The following OR2T12 variants were observed in gnomAD, a reference collection of about 807,000 sequenced individuals.
The protein encoded by OR2T12 is olfactory receptor family 2 subfamily T member 12.
For missense variants in OR2T12, 335 were observed against 404.3 expected, an observed-to-expected ratio of 0.83 and a Z score of 1.47; for synonymous variants, 127 against 160.5, an observed-to-expected ratio of 0.79 and a Z score of 1.58.
intron 2 of OR2T12, among the ~76,000 whole-genome samples, chr1:248,296,668 T>C (rs1659733253): frequency 1.3e-5 from 2 of 152,220 alleles, no homozygotes; most frequent in South Asian, 4.1e-4. Flanking sequence ...GAGAAGTGTC[T>C]GTTCATGTCC....
At chr1:248,298,169 A>G (rs959226020) in intron 2 of OR2T12, among the ~76,000 whole-genome samples, 3 of 152,100 alleles carry the variant, frequency 2.0e-5, no homozygotes, top group Non-Finnish European at 4.4e-5. Flanking sequence ...ATTTGCTTAT[A>G]TTGAACCAGC....
At chr1:248,303,000 T>C (rs1244222109) in intron 1 of OR2T12, among the ~76,000 whole-genome samples, 2 of 152,142 alleles carry the variant, frequency 1.3e-5, no homozygotes, top group Non-Finnish European at 2.9e-5. Flanking sequence ...GAAAAGAGAA[T>C]GTGGCCAAAA....
chr1:248,295,859 T>G (rs187874500), intron 2 of OR2T12, among the ~76,000 whole-genome samples: 106 of 152,260 alleles, frequency 7.0e-4, no homozygotes, highest in African/African-American at 2.5e-3. Context: ...AGTTTTGTTA[T>G]TTTTTTAATT....
chr1:248,292,328 G>A lies in OR2T12; in HGVS notation c.*2288C>T, dbSNP rs1432874641. The A allele has an allele frequency of 6.6e-6, 1 of 152,050 alleles. No homozygotes were observed. The highest frequency in any genetic ancestry group is 1.5e-5 in the Non-Finnish European group (1 of 67,960). The allele number at this position is 152,050 out of a possible 1,614,324, so 9.4% of individuals were successfully genotyped here. A position where few individuals can be genotyped will look rare whatever the true frequency, so the allele number is the denominator to read the frequency against. On this transcript the variant is annotated 3_prime_UTR_variant, in exon 3 of 3. Coordinates refer to ENST00000641276, the MANE Select transcript of OR2T12 (RefSeq NM_001004692.2). ...GAAGTAACTCCTCATTCAAAATTTT[G>A]TTTCTACCATTCATGCTCTTGTATA...
chr1:248,298,187 C>A (rs1422191317), intron 2 of OR2T12, among the ~76,000 whole-genome samples: 3 of 152,128 alleles, frequency 2.0e-5, no homozygotes, highest in African/African-American at 4.8e-5. Context: ...AGCCTTGCAT[C>A]CCAGCGATGA....
At chr1:248,297,695 G>T (rs927759532) in intron 2 of OR2T12, among the ~76,000 whole-genome samples, 7 of 151,054 alleles carry the variant, frequency 4.6e-5, no homozygotes, top group Admixed American at 4.6e-4. Flanking sequence ...TTTGTACATT[G>T]ATTTTGTATC....
Position 248,292,346 on chromosome 1 carries a change from C to T in OR2T12, c.*2270G>A, listed in dbSNP as rs1282045650. 5.3e-5 allele frequency: 8 copies of T among 152,014 alleles called. No individual in the cohort carries two copies. The allele number at this position is 152,014 out of a possible 1,614,324, so 9.4% of individuals were successfully genotyped here. On this transcript the variant is annotated 3_prime_UTR_variant, in exon 3 of 3. Coordinates refer to ENST00000641276, the MANE Select transcript of OR2T12 (RefSeq NM_001004692.2). ...AAATTTTGTTTCTACCATTCATGCT[C>T]TTGTATACTCTGTCTCTATCAGGTA... is the stretch of plus-strand genomic sequence containing the variant.
intron 2 of OR2T12, among the ~76,000 whole-genome samples, chr1:248,299,476 G>C (rs1260301728): frequency 6.6e-6 from 1 of 152,094 alleles, no homozygotes; most frequent in Non-Finnish European, 1.5e-5. Flanking sequence ...AATTCAACAA[G>C]AAGAGCTAAC....
intron 2 of OR2T12, among the ~76,000 whole-genome samples, chr1:248,296,901 T>C (rs1018028878): frequency 1.3e-5 from 2 of 152,196 alleles, no homozygotes; most frequent in African/African-American, 4.8e-5. Context: ...CCATTGCTTT[T>C]GGTGTTTTAG....
rs1158624458 is a variant in OR2T12, at chr1:248,290,839, T to C, written c.*3777A>G. On this transcript the variant is annotated 3_prime_UTR_variant, in exon 3 of 3. Transcript: ENST00000641276. ...ATGTGCCATGTTGGTGACTTTTTAA[T>C]AATTGCCATTCTAACTGATGTGACA... The C allele has an allele frequency of 6.6e-6, 1 of 152,170 alleles. No homozygotes were observed. Among genetic ancestry groups the C allele is most frequent in the Non-Finnish European group, 1.5e-5 (1 of 68,030 alleles). The allele number at this position is 152,170 out of a possible 1,614,324, so 9.4% of individuals were successfully genotyped here.
In OR2T12 at chr1:248,294,567, G is replaced by C. The variant is rs1012248203; in HGVS notation, c.*49C>G. 3 of 1,564,826 alleles carry C rather than the reference G, an allele frequency of 1.9e-6. No homozygotes were observed. The highest frequency in any genetic ancestry group is 2.6e-6 in the Non-Finnish European group (3 of 1,156,376). On this transcript the variant is annotated 3_prime_UTR_variant, in exon 3 of 3. Coordinates refer to ENST00000641276, the MANE Select transcript of OR2T12 (RefSeq NM_001004692.2). ...ATTACTAAAGGGAGAGAATTACATA[G>C]TGTTAAAATGTTAATAAATTCAGGA... is the stretch of plus-strand genomic sequence containing the variant.
In OR2T12 at chr1:248,294,664, C is replaced by G. The variant is rs372244974; in HGVS notation, c.915G>C (p.Thr305=). The change falls in exon 3 of 3, where the codon ACG becomes ACC. Residue 305 remains threonine (T), a synonymous_variant. Coordinates refer to ENST00000641276, the MANE Select transcript of OR2T12 (RefSeq NM_001004692.2). ...TTTGCTGGTGTTTTAGGTTTACACA[C>G]GTCCCCAGCCACCGTTTCAGGGCTT... is the stretch of plus-strand genomic sequence containing the variant. ...VKEALKRWLG[T]CVNLKHQQNE... is the part of the protein sequence containing the mutation. The G allele has an allele frequency of 3.5e-5, 56 of 1,613,954 alleles. No individual in the cohort carries two copies. The highest frequency in any genetic ancestry group is 4.7e-5 in the Non-Finnish European group (55 of 1,180,036).
Position 248,291,245 on chromosome 1 carries a change from T to C in OR2T12, c.*3371A>G, listed in dbSNP as rs1053273388. ...AAGCTGATAAGCAACTTCAGCAAAGTCTCAGGATACAATATCAATGTGTAA... is the reference window on the plus strand; with the variant it reads ...AAGCTGATAAGCAACTTCAGCAAAGCCTCAGGATACAATATCAATGTGTAA... On this transcript the variant is annotated 3_prime_UTR_variant, in exon 3 of 3. Transcript: ENST00000641276. 6.6e-6 allele frequency: 1 copy of C among 152,084 alleles called. No individual in the cohort carries two copies. Among genetic ancestry groups the C allele is most frequent in the African/African-American group, 2.4e-5 (1 of 41,402 alleles). 9.4% of individuals were successfully genotyped at this position (152,084 alleles called of 1,614,324 possible).
rs767959963 is a variant in OR2T12, at chr1:248,294,673, C to T, written c.906G>A (p.Trp302Ter). 1 of 1,614,108 alleles carries T rather than the reference C, an allele frequency of 6.2e-7. No homozygotes were observed. The highest frequency in any genetic ancestry group is 8.5e-7 in the Non-Finnish European group (1 of 1,180,032). Residue 302 changes from tryptophan to a stop codon, truncating the protein, a stop_gained, in exon 3 of 3, where the codon TGG (tryptophan) becomes TGA (stop). Coordinates refer to ENST00000641276, the MANE Select transcript of OR2T12 (RefSeq NM_001004692.2). LOFTEE classifies it low-confidence loss of function (END_TRUNC). ...GTTTTAGGTTTACACACGTCCCCAG[C>T]CACCGTTTCAGGGCTTCCTTGACCT... Reference protein sequence around the residue: ...NSEVKEALKRWLGTCVNLKHQ... With the variant: ...NSEVKEALKR
intron 1 of OR2T12, among the ~76,000 whole-genome samples, chr1:248,301,974 G>C (rs1254556488): frequency 6.6e-6 from 1 of 151,710 alleles, no homozygotes; most frequent in Non-Finnish European, 1.5e-5. Flanking sequence ...TGAAAATCTG[G>C]ATGAGAAATT....
rs1206137644 is a variant in OR2T12, at chr1:248,290,426, T to G, written c.*4190A>C. ...TCCAATGGCTGTATAGTATTTGTGG[T>G]GTATATGTGCCACAGCTACTTTAGC... On this transcript the variant is annotated 3_prime_UTR_variant, in exon 3 of 3. Transcript: ENST00000641276. The G allele has an allele frequency of 1.3e-5, 2 of 152,192 alleles. No homozygotes were observed. The highest frequency in any genetic ancestry group is 2.4e-5 in the African/African-American group (1 of 41,428). 9.4% of individuals were successfully genotyped at this position (152,192 alleles called of 1,614,324 possible).
At chr1:248,302,164 C>A (rs938909455) in intron 1 of OR2T12, among the ~76,000 whole-genome samples, 10 of 151,730 alleles carry the variant, frequency 6.6e-5, no homozygotes, top group Non-Finnish European at 1.3e-4. Context: ...GATCAGGAAA[C>A]AAAACAAAAC....
intron 2 of OR2T12, among the ~76,000 whole-genome samples, chr1:248,299,324 T>C (rs1215806128): frequency 6.6e-6 from 1 of 151,710 alleles, no homozygotes; most frequent in Middle Eastern, 3.2e-3. Flanking sequence ...AGGCTCAAAA[T>C]AAAAGGATGG....
At position 248,292,295 on chromosome 1, in the gene OR2T12, A is replaced by G. The variant is rs1218231550; in HGVS notation, c.*2321T>C. Reference sequence around the variant, plus strand: ...CTGTGTTACTGGGTGCTAGAGCTTCATATGTTCGAAGTAACTCCTCATTCA... The same window carrying G: ...CTGTGTTACTGGGTGCTAGAGCTTCGTATGTTCGAAGTAACTCCTCATTCA... On this transcript the variant is annotated 3_prime_UTR_variant, in exon 3 of 3. Transcript: ENST00000641276. 6.6e-6 allele frequency: 1 copy of G among 152,102 alleles called. No homozygotes were observed. The highest frequency in any genetic ancestry group is 1.5e-5 in the Non-Finnish European group (1 of 67,984). 9.4% of individuals were successfully genotyped at this position (152,102 alleles called of 1,614,324 possible). A position where few individuals can be genotyped will look rare whatever the true frequency, so the allele number is the denominator to read the frequency against.
Sources: allele counts gnomAD v4.1 joint callset (sites outside exome capture counted in the v4.1 genomes callset), GRCh38; gene constraint gnomAD v4.1.1; transcripts MANE v1.5; gene names NCBI Gene and HGNC (gene_info 2026-07-23, HGNC 2026-07-21).